The following RFX2 variants were observed in gnomAD, a reference collection of about 807,000 sequenced individuals.
RFX2 encodes regulatory factor X2.
RFX2 carries 20 observed loss-of-function variants against 87.8 expected under a neutral mutation model. That is an observed-to-expected ratio of 0.23 (90% CI 0.16 to 0.33). RFX2 has a LOEUF of 0.33. Among genes scored for constraint, RFX2 ranks in the 10% least tolerant of loss-of-function variants. RFX2 has a pLI of 1.00. For synonymous variants in RFX2, 397 were observed against 431.3 expected (o/e 0.92, Z 0.98); for missense variants, 767 against 1,012.3 (o/e 0.76, Z 3.29).
chr19:6,080,580 A>G (rs564560390), intron 1 of RFX2, among the ~76,000 whole-genome samples: 26 of 152,100 alleles, frequency 1.7e-4, no homozygotes, highest in Non-Finnish European at 3.2e-4. Context: ...ATAGCCAGTT[A>G]TGGGTGGCAC....
At chr19:6,093,332 C>G (rs7245622) in intron 1 of RFX2, among the ~76,000 whole-genome samples, 1 of 152,054 alleles carries the variant, frequency 6.6e-6, no homozygotes, top group Non-Finnish European at 1.5e-5. Flanking sequence ...CTCAGGAGTT[C>G]GAGGCCAGCC....
rs1039680806 is a variant in RFX2, at chr19:6,010,591, C to T, written c.900-340G>A. Among the ~76,000 whole-genome samples, 1 of 152,150 alleles carries T rather than the reference C, an allele frequency of 6.6e-6. No individual in the cohort carries two copies. The highest frequency in any genetic ancestry group is 1.9e-4 in the East Asian group (1 of 5,196). On this transcript the variant is annotated intron_variant, in intron 8 of 17. Coordinates refer to ENST00000303657, the MANE Select transcript of RFX2 (RefSeq NM_000635.4). This position sits in a 1 kb window ranked among gnomAD's most constrained non-coding sequence, Gnocchi z 5.0. ...TGACTTCCCGTCTCTGTGAATCTGA[C>T]GACTCTAGGGACCTCCTAGGAGTGG...
At chr19:6,042,209 G>A in intron 3 of RFX2, 86 bp from the exon 4 acceptor site, 1 of 1,179,598 alleles carries the variant, frequency 8.5e-7, no homozygotes, top group South Asian at 1.2e-5. Context: ...GTCTTCTATT[G>A]CCTTTATGAA....
rs1196031077 is a variant in RFX2 at position 6,039,670 on chromosome 19, G to C, written c.522+310C>G. ...ATAGTAACAACGATAACAATAATAAGAGCAAAGGAGGCTGCAGCATCCACC... is the reference window on the plus strand; with the variant it reads ...ATAGTAACAACGATAACAATAATAACAGCAAAGGAGGCTGCAGCATCCACC... On this transcript the variant is annotated intron_variant, in intron 5 of 17. Coordinates refer to ENST00000303657, the MANE Select transcript of RFX2 (RefSeq NM_000635.4). This position sits in a 1 kb window ranked among gnomAD's most constrained non-coding sequence, Gnocchi z 5.2. Among the ~76,000 whole-genome samples, 1 of 152,210 alleles carries C rather than the reference G, an allele frequency of 6.6e-6. No individual in the cohort carries two copies. Among genetic ancestry groups the C allele is most frequent in the Non-Finnish European group, 1.5e-5 (1 of 68,032 alleles).
Position 6,016,302 on chromosome 19 carries a change from C to A in RFX2, c.598-31G>T. On this transcript the variant is annotated intron_variant, in intron 6 of 17. Transcript: ENST00000303657. The surrounding 1 kb of genome is among the most constrained non-coding windows in gnomAD (Gnocchi z 5.4). ...AAAAGAAAGACACGTCTGCGTTTGT[C>A]AGAAGCCTGAGGAACGCTAACATGC... 1 of 1,557,564 alleles carries A rather than the reference C, an allele frequency of 6.4e-7. No homozygotes were observed. The highest frequency in any genetic ancestry group is 1.2e-5 in the South Asian group (1 of 84,516).
Position 6,004,263 on chromosome 19 carries a change from T to C in RFX2, c.1438A>G (p.Ser480Gly). The C allele has an allele frequency of 3.1e-6, 5 of 1,613,774 alleles. No individual in the cohort carries two copies. Among genetic ancestry groups the C allele is most frequent in the South Asian group, 1.1e-5 (1 of 91,068 alleles). The part of the protein sequence containing the change: ...LTQAIRNFAK[S>G]LEGWLTNAMS... ...GCATTTGTCAACCAGCCTTCCAAGC[T>C]CTTGGCAAAGTTACGGATGGCCTGT... Residue 480 changes from serine (S) to glycine (G), a missense_variant, in exon 13 of 18, where the codon AGC becomes GGC. Physicochemically the swap from Ser to Gly is moderately conservative, Grantham distance 56. Around this residue, in one of 2 missense-constraint regions of RFX2, gnomAD observed 621 missense variants for 873.0 expected, o/e 0.71. Coordinates refer to ENST00000303657, the MANE Select transcript of RFX2 (RefSeq NM_000635.4). This position sits in a 1 kb window ranked among gnomAD's most constrained non-coding sequence, Gnocchi z 4.8.
chr19:6,016,278 AAAG>A lies in RFX2; in HGVS notation c.598-10_598-8del. On this transcript the variant is annotated splice_polypyrimidine_tract_variant and splice_region_variant and intron_variant, in intron 6 of 17. Coordinates refer to ENST00000303657, the MANE Select transcript of RFX2 (RefSeq NM_000635.4). The surrounding 1 kb of genome is among the most constrained non-coding windows in gnomAD (Gnocchi z 5.4). ...TATCCAACAGCCACTGGAGCTGTAA[AAAG>A]AAAGACACGTCTGCGTTTGTCAGAA... 6.3e-7 allele frequency: 1 copy of A among 1,589,944 alleles called. No individual in the cohort carries two copies.
Position 6,044,315 on chromosome 19 carries a change from T to TTC in RFX2, c.91-34_91-33insGA. 1 of 1,366,016 alleles carries TTC rather than the reference T, an allele frequency of 7.3e-7. No homozygotes were observed. Among genetic ancestry groups the TTC allele is most frequent in the Non-Finnish European group, 9.9e-7 (1 of 1,013,404 alleles). 84.6% of individuals were successfully genotyped at this position (1,366,016 alleles called of 1,614,324 possible). ...GGAAGGGAGAGAAGGCCAGTTAGAC[T>TTC]TGTCAGAGGTCAGTGCTGAGGATAC... On this transcript the variant is annotated intron_variant, in intron 2 of 17. Coordinates refer to ENST00000303657, the MANE Select transcript of RFX2 (RefSeq NM_000635.4). The surrounding 1 kb of genome is among the most constrained non-coding windows in gnomAD (Gnocchi z 5.3).
rs28877689 is a variant in RFX2 at position 6,037,934 on chromosome 19, A to G, written c.522+2046T>C. Among the ~76,000 whole-genome samples, 961 of 152,334 alleles carry G rather than the reference A, an allele frequency of 6.3e-3. 12 individuals are homozygous for G. The highest frequency in any genetic ancestry group is 0.022 in the African/African-American group (910 of 41,572). On this transcript the variant is annotated intron_variant, in intron 5 of 17. Transcript: ENST00000303657. ...GGTAGTCTTTTTAACAAATGAGGCT[A>G]GAACAACACATTGTTTCATAAGCAA...
chr19:6,088,680 C>A (rs983744018), intron 1 of RFX2, among the ~76,000 whole-genome samples: 4 of 151,990 alleles, frequency 2.6e-5, no homozygotes, highest in African/African-American at 9.7e-5. Context: ...TGTTAAACAC[C>A]ATTGAAGAGC....
intron 1 of RFX2, among the ~76,000 whole-genome samples, chr19:6,096,485 C>T (rs943002976): frequency 2.0e-5 from 3 of 152,130 alleles, no homozygotes; most frequent in Admixed American, 2.0e-4. Context: ...CTTGCTCTGT[C>T]TCCCAGGCTG....
Position 6,011,014 on chromosome 19 carries a change from G to C in RFX2, c.900-763C>G, listed in dbSNP as rs979055034. On this transcript the variant is annotated intron_variant, in intron 8 of 17. Transcript: ENST00000303657. The surrounding 1 kb of genome is among the most constrained non-coding windows in gnomAD (Gnocchi z 4.8). ...GCCTTTAATCCCAGCGACTCAGGAG[G>C]CTGAGGCAGGAGAATCACTTGAACC... is the stretch of plus-strand genomic sequence containing the variant. 6.6e-6 allele frequency among the ~76,000 whole-genome samples: 1 copy of C among 152,082 alleles called. No individual in the cohort carries two copies. The highest frequency in any genetic ancestry group is 2.4e-5 in the African/African-American group (1 of 41,394).
In RFX2 at chr19:6,007,993, T is replaced by C; in HGVS notation, c.1134+113A>G. 2.3e-6 allele frequency: 2 copies of C among 855,028 alleles called. No individual in the cohort carries two copies. The highest frequency in any genetic ancestry group is 1.4e-5 in the South Asian group (1 of 69,140). The allele number at this position is 855,028 out of a possible 1,614,324, so 53.0% of individuals were successfully genotyped here. A position where few individuals can be genotyped will look rare whatever the true frequency, so the allele number is the denominator to read the frequency against. On this transcript the variant is annotated intron_variant, in intron 10 of 17. Coordinates refer to ENST00000303657, the MANE Select transcript of RFX2 (RefSeq NM_000635.4). This position sits in a 1 kb window ranked among gnomAD's most constrained non-coding sequence, Gnocchi z 8.2. The stretch of plus-strand genomic sequence containing the variant: ...GCTGCTGCTTCAGAGAGGATGCTTG[T>C]TGGGGGGCTCGGGGCTCCAGCTCCT...
rs1329228920 is a variant in RFX2 at position 6,010,223 on chromosome 19, G to A, written c.928C>T (p.Leu310Phe). ...CCGCTGTGGGAGCCGCTGTCCCCGAGGCTGTCCGTCTTCTGGGCTGGCCGG... is the reference window on the plus strand; with the variant it reads ...CCGCTGTGGGAGCCGCTGTCCCCGAAGCTGTCCGTCTTCTGGGCTGGCCGG... ...RYRPAQKTDS[L>F]GDSGSHSGLH... The change falls in exon 9 of 18, where the codon CTC becomes TTC. Residue 310 changes from leucine (L) to phenylalanine (F), a missense_variant. Physicochemically the swap from Leu to Phe is conservative, Grantham distance 22. Around this residue, in one of 2 missense-constraint regions of RFX2, gnomAD observed 621 missense variants for 873.0 expected, o/e 0.71. Transcript: ENST00000303657. This position sits in a 1 kb window ranked among gnomAD's most constrained non-coding sequence, Gnocchi z 5.0. The A allele has an allele frequency of 9.7e-6, 15 of 1,548,036 alleles. No individual in the cohort carries two copies. The South Asian group carries it at 1.8e-4, about 18-fold the overall frequency.
chr19:6,020,884 A>G lies in RFX2; in HGVS notation c.598-4613T>C, dbSNP rs2086802076. ...CACATTTGCCACAATCTGTCAGGAC[A>G]GCACACTTCTTGATGAAATGGATCA... On this transcript the variant is annotated intron_variant, in intron 6 of 17. Transcript: ENST00000303657. The surrounding 1 kb of genome is among the most constrained non-coding windows in gnomAD (Gnocchi z 5.3). 6.6e-6 allele frequency among the ~76,000 whole-genome samples: 1 copy of G among 152,254 alleles called. No individual in the cohort carries two copies. Among genetic ancestry groups the G allele is most frequent in the Admixed American group, 6.5e-5 (1 of 15,284 alleles).
chr19:6,037,704 C>A (rs1030005061), intron 5 of RFX2, among the ~76,000 whole-genome samples: 6 of 152,108 alleles, frequency 3.9e-5, no homozygotes, highest in African/African-American at 1.4e-4. Context: ...TATAAATAGT[C>A]AACGCAATAC....
chr19:6,051,806 A>G (rs755612700), intron 1 of RFX2, among the ~76,000 whole-genome samples: 1 of 152,198 alleles, frequency 6.6e-6, no homozygotes, highest in African/African-American at 2.4e-5. Context: ...CCTCCTTAAA[A>G]ATAAAGGCAC....
rs988927405 is a variant in RFX2 at position 6,074,072 on chromosome 19, G to A, written c.-8-26568C>T. Among the ~76,000 whole-genome samples, 1 of 152,154 alleles carries A rather than the reference G, an allele frequency of 6.6e-6. No homozygotes were observed. The highest frequency in any genetic ancestry group is 1.5e-5 in the Non-Finnish European group (1 of 68,032). ...TCGTTCTGCCCCAGCTGAGGTTCTG[G>A]GCCTCATCACTAATGACCCACAGCA... On this transcript the variant is annotated intron_variant, in intron 1 of 17. Coordinates refer to ENST00000303657, the MANE Select transcript of RFX2 (RefSeq NM_000635.4). The surrounding 1 kb of genome is among the most constrained non-coding windows in gnomAD (Gnocchi z 5.2).
At chr19:6,003,114 A>G (rs1019563324) in intron 13 of RFX2, among the ~76,000 whole-genome samples, 1 of 152,086 alleles carries the variant, frequency 6.6e-6, no homozygotes, top group Non-Finnish European at 1.5e-5. Context: ...GCTGAGTTAG[A>G]ATTCACAACT....
Sources: gnomAD v4.1 joint callset for allele counts (sites outside exome capture counted in the v4.1 genomes callset) on GRCh38, gnomAD v4.1.1 for gene constraint, gnomAD v4.1.1 regional missense constraint, Gnocchi (gnomAD v3.1) non-coding constraint, MANE v1.5 for transcripts, NCBI Gene and HGNC (gene_info 2026-07-23, HGNC 2026-07-21) for gene names.